Variants in CNTN5 observed in about 807,000 individuals in gnomAD.
The protein encoded by CNTN5 is contactin 5, also known as contactin-5.
Under a neutral mutation model 129.1 loss-of-function variants are expected in CNTN5, and 77 were observed. That is an observed-to-expected ratio of 0.60 (90% CI 0.50 to 0.72). The LOEUF (loss-of-function observed/expected upper bound fraction) is 0.72. Ranked by LOEUF, CNTN5 falls within the 30% of genes least tolerant of loss-of-function variation. The pLI is 0.00. For missense variants in CNTN5, 1,478 were observed against 1,328.8 expected (o/e 1.11, Z -1.75); for synonymous variants, 509 against 465.6 (o/e 1.09, Z -1.20).
chr11:99,630,591 CA>C (rs35664676), intron 3 of CNTN5, among the ~76,000 whole-genome samples: 92,441 of 151,656 alleles, frequency 0.61, 29,043 homozygotes, highest in Admixed American at 0.73. Flanking sequence ...TTTCTCAAGA[CA>C]AAAATCTTCC....
intron 2 of CNTN5, among the ~76,000 whole-genome samples, chr11:99,396,583 C>T (rs899340414): frequency 4.0e-5 from 6 of 151,470 alleles, no homozygotes; most frequent in Non-Finnish European, 7.4e-5. Context: ...TCACTACTAT[C>T]ATAAGAGACT....
At chr11:99,917,912 G>T (rs574449558) in intron 7 of CNTN5, among the ~76,000 whole-genome samples, 24 of 152,198 alleles carry the variant, frequency 1.6e-4, no homozygotes, top group Admixed American at 3.3e-4. Context: ...TAAATTAAAT[G>T]ACTGTTCAGT....
chr11:99,991,856 C>T lies in CNTN5; in HGVS notation c.878-10178C>T, dbSNP rs189102691. Among the ~76,000 whole-genome samples, 548 of 152,242 alleles carry T rather than the reference C, an allele frequency of 3.6e-3. 3 individuals carry two copies. Among genetic ancestry groups the T allele is most frequent in the African/African-American group, 0.013 (526 of 41,548 alleles). On this transcript the variant is annotated intron_variant, in intron 8 of 24. Coordinates refer to ENST00000524871, the MANE Select transcript of CNTN5 (RefSeq NM_014361.4). Reference sequence around the variant, plus strand: ...ACCTCAGCTGCCCATTCATGAATCACTGTGAACAGGACAAAGGGGTAATCA... The same window carrying T: ...ACCTCAGCTGCCCATTCATGAATCATTGTGAACAGGACAAAGGGGTAATCA...
At chr11:99,993,527 A>G (rs1939256740) in intron 8 of CNTN5, among the ~76,000 whole-genome samples, 1 of 152,184 alleles carries the variant, frequency 6.6e-6, no homozygotes. Context: ...TCAGACCATC[A>G]GGCTTTAGAT....
intron 7 of CNTN5, among the ~76,000 whole-genome samples, chr11:99,941,161 G>A (rs973440387): frequency 2.0e-5 from 3 of 151,790 alleles, no homozygotes; most frequent in Admixed American, 6.6e-5. Context: ...TCAATCTAAC[G>A]GGACCTATAC....
intron 6 of CNTN5, among the ~76,000 whole-genome samples, chr11:99,848,968 A>G (rs1397751953): frequency 6.6e-6 from 1 of 152,022 alleles, no homozygotes; most frequent in African/African-American, 2.4e-5. Flanking sequence ...CTAAATCTTC[A>G]CCTTTTACTT....
At chr11:100,020,369 C>T (rs750511442) in intron 9 of CNTN5, among the ~76,000 whole-genome samples, 1 of 152,056 alleles carries the variant, frequency 6.6e-6, no homozygotes, top group Non-Finnish European at 1.5e-5. Context: ...GTATTTCCTA[C>T]ACCATTTATT....
At chr11:99,838,756 C>T (rs1947383434) in intron 4 of CNTN5, among the ~76,000 whole-genome samples, 1 of 152,132 alleles carries the variant, frequency 6.6e-6, no homozygotes, top group Admixed American at 6.6e-5. Flanking sequence ...CTCTCCACAG[C>T]CTGAAAAAAT....
At chr11:99,764,992 G>A (rs761716802) in intron 3 of CNTN5, among the ~76,000 whole-genome samples, 8 of 151,868 alleles carry the variant, frequency 5.3e-5, no homozygotes, top group Non-Finnish European at 1.2e-4. Flanking sequence ...TATATCTACT[G>A]TATCAACAAT....
chr11:100,120,225 G>A (rs921040527), intron 13 of CNTN5, among the ~76,000 whole-genome samples: 3 of 151,816 alleles, frequency 2.0e-5, no homozygotes, highest in African/African-American at 7.3e-5. Context: ...TACTTACTTG[G>A]AATTTTTGTA....
At chr11:99,852,222 T>C (rs1278727453) in intron 6 of CNTN5, among the ~76,000 whole-genome samples, 3 of 152,218 alleles carry the variant, frequency 2.0e-5, no homozygotes, top group African/African-American at 7.2e-5. Context: ...AAAGTATAAT[T>C]ACTTTGGTCA....
chr11:99,832,101 C>G (rs931185330), intron 4 of CNTN5, among the ~76,000 whole-genome samples: 1 of 152,150 alleles, frequency 6.6e-6, no homozygotes, highest in African/African-American at 2.4e-5. Flanking sequence ...TATGAGTTGT[C>G]TCCGCTGCTT....
At chr11:99,251,297 C>A (rs1255787914) in intron 1 of CNTN5, among the ~76,000 whole-genome samples, 1 of 151,850 alleles carries the variant, frequency 6.6e-6, no homozygotes. Context: ...TTTACTCTGT[C>A]TGGTTAATTA....
chr11:99,700,664 C>T (rs888334854), intron 3 of CNTN5, among the ~76,000 whole-genome samples: 15 of 151,082 alleles, frequency 9.9e-5, no homozygotes, highest in African/African-American at 3.2e-4. Context: ...CAATGGTGGC[C>T]GAGTAACGGT....
chr11:99,975,003 A>G (rs1396033995), intron 8 of CNTN5, among the ~76,000 whole-genome samples: 1 of 152,224 alleles, frequency 6.6e-6, no homozygotes, highest in Non-Finnish European at 1.5e-5. Flanking sequence ...TTGTAGTACA[A>G]ATTTTACAGA....
chr11:99,841,896 A>T (rs1221166978), intron 4 of CNTN5, among the ~76,000 whole-genome samples: 463 of 22,940 alleles, frequency 0.02, 2 homozygotes, highest in Middle Eastern at 0.1. Context: ...ATATATATAT[A>T]TTTTTTTTTT....
intron 1 of CNTN5, among the ~76,000 whole-genome samples, chr11:99,187,662 A>G (rs1049626275): frequency 6.6e-6 from 1 of 151,862 alleles, no homozygotes; most frequent in Non-Finnish European, 1.5e-5. Flanking sequence ...TACAAACTAT[A>G]TGTATGAAGA....
intron 1 of CNTN5, among the ~76,000 whole-genome samples, chr11:99,272,614 A>G (rs1008158574): frequency 1.3e-5 from 2 of 151,712 alleles, no homozygotes; most frequent in African/African-American, 4.8e-5. Context: ...CTTTTCTCAC[A>G]TTTAGATATA....
intron 13 of CNTN5, among the ~76,000 whole-genome samples, chr11:100,104,894 T>C (rs1945365469): frequency 6.6e-6 from 1 of 152,160 alleles, no homozygotes; most frequent in East Asian, 1.9e-4. Flanking sequence ...TATGCAAGTA[T>C]TTTTCACAAA....
Sources: gnomAD v4.1 joint callset for allele counts (sites outside exome capture counted in the v4.1 genomes callset) on GRCh38, gnomAD v4.1.1 for gene constraint, MANE v1.5 for transcripts, NCBI Gene and HGNC (gene_info 2026-07-23, HGNC 2026-07-21) for gene names.